Variants in DNM3 observed in about 807,000 individuals in gnomAD.
DNM3 encodes dynamin-3.
In DNM3, 47 loss-of-function variants were observed where a neutral mutation model predicts 101.6. That is an observed-to-expected ratio of 0.46 (90% CI 0.37 to 0.59). DNM3 has a LOEUF of 0.59. Ranked by LOEUF, DNM3 falls within the 20% of genes least tolerant of loss-of-function variation. The pLI is 0.00. For synonymous variants in DNM3, 385 were observed against 387.9 expected (o/e 0.99, Z 0.09); for missense variants, 849 against 1,085.7 (o/e 0.78, Z 3.06).
intron 4 of DNM3, among the ~76,000 whole-genome samples, chr1:172,016,110 T>C (rs1282890380): frequency 6.7e-6 from 1 of 149,758 alleles, no homozygotes. Flanking sequence ...TCACTTGAAC[T>C]CAGGATGCAG....
chr1:171,925,384 C>T (rs2125337720), intron 2 of DNM3, among the ~76,000 whole-genome samples: 1 of 152,166 alleles, frequency 6.6e-6, no homozygotes, highest in South Asian at 2.1e-4. Flanking sequence ...CCCACCACCA[C>T]ACCTGGCTAA....
In DNM3 at chr1:172,124,390, G is replaced by A. The variant is rs190164446; in HGVS notation, c.1546-6785G>A. On this transcript the variant is annotated intron_variant, in intron 13 of 20. Coordinates refer to ENST00000627582, the MANE Select transcript of DNM3 (RefSeq NM_015569.5). ...TATTGCAAAATTCAGGAATTTGCAGGGACCACAGCTCCAGTTACCCACCAG... is the reference window on the plus strand; with the variant it reads ...TATTGCAAAATTCAGGAATTTGCAGAGACCACAGCTCCAGTTACCCACCAG... Among the ~76,000 whole-genome samples the A allele has an allele frequency of 3.7e-3, 570 of 152,246 alleles. 5 individuals are homozygous for A. Among genetic ancestry groups the A allele is most frequent in the Non-Finnish European group, 2.5e-3 (169 of 68,014 alleles).
At chr1:172,258,352 C>T (rs944870604) in intron 15 of DNM3, among the ~76,000 whole-genome samples, 16 of 152,066 alleles carry the variant, frequency 1.1e-4, no homozygotes, top group Non-Finnish European at 2.2e-4. Context: ...ATACTGTTTT[C>T]CATAATAGCT....
At chr1:172,071,342 C>G (rs1177319702) in intron 11 of DNM3, among the ~76,000 whole-genome samples, 1 of 151,764 alleles carries the variant, frequency 6.6e-6, no homozygotes, top group African/African-American at 2.4e-5. Context: ...CAACAGTTAT[C>G]AAGTGCCTGT....
chr1:172,123,208 A>C (rs975066662), intron 13 of DNM3, among the ~76,000 whole-genome samples: 2 of 152,214 alleles, frequency 1.3e-5, no homozygotes, highest in African/African-American at 4.8e-5. Flanking sequence ...GAAAACAAAG[A>C]AAAACAATCT....
chr1:172,166,094 T>C lies in DNM3; in HGVS notation c.1659+34806T>C, dbSNP rs946391480. 2.6e-5 allele frequency among the ~76,000 whole-genome samples: 4 copies of C among 152,064 alleles called. No homozygotes were observed. The South Asian group carries it at 6.2e-4, about 24-fold the overall frequency. On this transcript the variant is annotated intron_variant, in intron 14 of 20. Transcript: ENST00000627582. Reference sequence around the variant, plus strand: ...TAATACTCAGGGGTATTGCACCATATGGTTTGTGGAGTATGTGTCTGTTTC... The same window carrying C: ...TAATACTCAGGGGTATTGCACCATACGGTTTGTGGAGTATGTGTCTGTTTC...
chr1:172,262,702 A>G (rs999388431), intron 15 of DNM3, among the ~76,000 whole-genome samples: 6 of 152,114 alleles, frequency 3.9e-5, no homozygotes, highest in Non-Finnish European at 5.9e-5. Flanking sequence ...GTTCTTTTCC[A>G]TGGAAGAGGC....
At position 172,411,829 on chromosome 1, in the gene DNM3, G is replaced by A. The variant is rs2071225224; in HGVS notation, c.*3988G>A. The A allele has an allele frequency of 2.0e-6, 2 of 985,676 alleles. No individual in the cohort carries two copies. The highest frequency in any genetic ancestry group is 2.4e-6 in the Non-Finnish European group (2 of 829,824). 61.1% of individuals were successfully genotyped at this position (985,676 alleles called of 1,614,324 possible). ...TTTCAATTAGAAGACTACTAGCTGT[G>A]AGCTCAGAGTTTAATGTAAATGAAT... On this transcript the variant is annotated 3_prime_UTR_variant, in exon 21 of 21. Transcript: ENST00000627582.
intron 14 of DNM3, among the ~76,000 whole-genome samples, chr1:172,215,993 A>G (rs1480279545): frequency 1.4e-5 from 2 of 147,310 alleles, no homozygotes; most frequent in Non-Finnish European, 3.0e-5. Context: ...AAAGTATAAT[A>G]ATAATAAAAT....
In DNM3 at chr1:171,944,854, CCTTTT is replaced by C. The variant is rs1180875981; in HGVS notation, c.235+23034_235+23038del. Among the ~76,000 whole-genome samples the C allele has an allele frequency of 4.9e-3, 185 of 37,572 alleles. 42 individuals carry two copies. Among genetic ancestry groups the C allele is most frequent in the African/African-American group, 0.016 (176 of 11,068 alleles). The allele number at this position is 37,572 out of a possible 152,430, so 24.6% of individuals were successfully genotyped here. On this transcript the variant is annotated intron_variant, in intron 2 of 20. Transcript: ENST00000627582. ...TTTGTTTTCTTTTTTTTTGGTGTTT[CCTTTT>C]TTTTTTTTTTTTTTTTTTTTTTGAG...
At chr1:171,964,182 G>C (rs2043410805) in intron 2 of DNM3, among the ~76,000 whole-genome samples, 1 of 152,140 alleles carries the variant, frequency 6.6e-6, no homozygotes, top group Non-Finnish European at 1.5e-5. Flanking sequence ...TCTACATTCT[G>C]TAAAGAATGC....
At chr1:172,025,266 G>T (rs149714214) in intron 4 of DNM3, among the ~76,000 whole-genome samples, 220 of 152,280 alleles carry the variant, frequency 1.4e-3, no homozygotes, top group African/African-American at 4.9e-3. Context: ...CTCCTCTCTG[G>T]GCAGGGCATC....
At chr1:172,107,118 C>T (rs1163624274) in intron 13 of DNM3, among the ~76,000 whole-genome samples, 1 of 151,592 alleles carries the variant, frequency 6.6e-6, no homozygotes, top group Non-Finnish European at 1.5e-5. Context: ...CCTCGGCCTC[C>T]CAAAGTGCTG....
chr1:172,032,181 C>T (rs1175483731), intron 4 of DNM3, among the ~76,000 whole-genome samples: 2 of 151,846 alleles, frequency 1.3e-5, no homozygotes, highest in Non-Finnish European at 2.9e-5. Context: ...TGTTTTTCTC[C>T]CTTGGGTTGA....
At chr1:171,936,232 C>T (rs2041409767) in intron 2 of DNM3, among the ~76,000 whole-genome samples, 1 of 151,980 alleles carries the variant, frequency 6.6e-6, no homozygotes, top group Non-Finnish European at 1.5e-5. Flanking sequence ...GCACATACAG[C>T]TACTTGGGAG....
chr1:172,083,904 A>G (rs1007407042), intron 12 of DNM3, among the ~76,000 whole-genome samples: 1 of 152,140 alleles, frequency 6.6e-6, no homozygotes, highest in Non-Finnish European at 1.5e-5. Context: ...TTTCTGGTCC[A>G]GGTGTCTGGT....
rs2066158717 is a variant in DNM3 at position 172,330,996 on chromosome 1, T to G, written c.1893+7656T>G. ...ACCTCTTTTCCGTTTACTCTGCCTG[T>G]GCAAATATGTTATTTTCCTCACTGA... On this transcript the variant is annotated intron_variant, in intron 17 of 20. Transcript: ENST00000627582. Among the ~76,000 whole-genome samples, 4 of 152,196 alleles carry G rather than the reference T, an allele frequency of 2.6e-5. No homozygotes were observed. In the South Asian group the frequency reaches 8.3e-4, roughly 31 times the overall value.
Position 172,270,259 on chromosome 1 carries a change from G to GA in DNM3, c.1769+16591dup, listed in dbSNP as rs553666549. Among the ~76,000 whole-genome samples, 343 of 105,070 alleles carry GA rather than the reference G, an allele frequency of 3.3e-3. 1 individual carries two copies. Among genetic ancestry groups the GA allele is most frequent in the East Asian group, 4.6e-3 (17 of 3,672 alleles). 68.9% of individuals were successfully genotyped at this position (105,070 alleles called of 152,430 possible). The stretch of plus-strand genomic sequence containing the variant: ...ACCTTGCCTAGGAGTTCTTGAATTT[G>GA]AAAAAAAAAAAAAAGCCTTTAAGCC... On this transcript the variant is annotated intron_variant, in intron 15 of 20. Coordinates refer to ENST00000627582, the MANE Select transcript of DNM3 (RefSeq NM_015569.5).
At chr1:171,903,326 T>C (rs1033478533) in intron 1 of DNM3, among the ~76,000 whole-genome samples, 13 of 152,172 alleles carry the variant, frequency 8.5e-5, no homozygotes, top group Non-Finnish European at 1.8e-4. Flanking sequence ...GCAAATACTG[T>C]AACTTTATCA....
Sources: allele counts gnomAD v4.1 joint callset (sites outside exome capture counted in the v4.1 genomes callset), GRCh38; gene constraint gnomAD v4.1.1; transcripts MANE v1.5; gene names NCBI Gene and HGNC (gene_info 2026-07-23, HGNC 2026-07-21).